TYSND1: variants seen among roughly 807,000 people sequenced by gnomAD.
TYSND1 encodes peroxisomal leader peptide-processing protease.
TYSND1 carries 30 observed loss-of-function variants against 37.2 expected under a neutral mutation model. The observed-to-expected ratio is 0.81, with a 90% CI of 0.60 to 1.09. The LOEUF (loss-of-function observed/expected upper bound fraction) is 1.09, where lower values mean the gene tolerates loss of function less well. TYSND1 is among the 50% of genes least tolerant of loss of function. The pLI is 0.00. For synonymous variants in TYSND1, 364 were observed against 383.8 expected (o/e 0.95, Z 0.60); for missense variants, 806 against 817.4 (o/e 0.99, Z 0.17).
chr10:70,142,927 C>T (rs1435182981), intron 2 of TYSND1, 74 bp from the exon 3 acceptor site: 1 of 1,516,796 alleles, frequency 6.6e-7, no homozygotes, highest in Non-Finnish European at 9.0e-7. Flanking sequence ...TAACTCCCAT[C>T]CCTACCCTCT....
rs1839236304 is a variant in TYSND1 at position 70,146,479 on chromosome 10, C to T, written c.108G>A (p.Gly36=). The part of the protein sequence containing the change: ...QPEAGPWSCS[G]VILSRSPGLV... ...GGCCCGGGCTACGGCTCAGGATTAC[C>T]CCGCTGCAGCTCCACGGGCCCGCCT... is the stretch of plus-strand genomic sequence containing the variant. Residue 36 remains glycine, a synonymous_variant, in exon 1 of 4, where the codon GGG becomes GGA. Coordinates refer to ENST00000287078, the MANE Select transcript of TYSND1 (RefSeq NM_173555.4). The T allele has an allele frequency of 6.2e-7, 1 of 1,601,032 alleles. No individual in the cohort carries two copies. The highest frequency in any genetic ancestry group is 8.5e-7 in the Non-Finnish European group (1 of 1,178,132).
chr10:70,138,908 G>A lies in TYSND1; in HGVS notation c.*1016C>T, dbSNP rs141808556. 8.3e-4 allele frequency: 126 copies of A among 152,342 alleles called. 2 individuals are homozygous for A. The East Asian group carries it at 0.022, about 26-fold the overall frequency. 9.4% of individuals were successfully genotyped at this position (152,342 alleles called of 1,614,324 possible). A position where few individuals can be genotyped will look rare whatever the true frequency, so the allele number is the denominator to read the frequency against. On this transcript the variant is annotated 3_prime_UTR_variant, in exon 4 of 4. Coordinates refer to ENST00000287078, the MANE Select transcript of TYSND1 (RefSeq NM_173555.4). Reference sequence around the variant, plus strand: ...GAAACCAGAAGGCTGAAGCCAGCACGGGCAACAAAGCAATACCCCATTTCT... The same window carrying A: ...GAAACCAGAAGGCTGAAGCCAGCACAGGCAACAAAGCAATACCCCATTTCT...
In TYSND1 at chr10:70,146,562, T is replaced by C; in HGVS notation, c.25A>G (p.Met9Val). 1 of 1,573,690 alleles carries C rather than the reference T, an allele frequency of 6.4e-7. No individual in the cohort carries two copies. Reference sequence around the variant, plus strand: ...CAGCCCGCCTGCTCGGCCGCCCTCATGGCAGACCCCCACTGCCTTCTCATG... The same window carrying C: ...CAGCCCGCCTGCTCGGCCGCCCTCACGGCAGACCCCCACTGCCTTCTCATG... MRRQWGSAMRAAEQAGCMV... is the reference protein window; with the variant it reads MRRQWGSAVRAAEQAGCMV... Residue 9 changes from methionine to valine, a missense_variant, in exon 1 of 4, where the codon ATG (methionine) becomes GTG (valine). Coordinates refer to ENST00000287078, the MANE Select transcript of TYSND1 (RefSeq NM_173555.4).
Position 70,143,827 on chromosome 10 carries a change from C to T in TYSND1, c.1297+15G>A, listed in dbSNP as rs76946215. 0.043 allele frequency: 68,905 copies of T among 1,613,684 alleles called. 1,626 individuals are homozygous for T. Among genetic ancestry groups the T allele is most frequent in the East Asian group, 0.06 (2,691 of 44,862 alleles). On this transcript the variant is annotated intron_variant, in intron 2 of 3. Transcript: ENST00000287078. ...CAGAGGGGCCCTCCTTCAGGCTGCGCCCTTCGTCCTTTACCTTCATGGAAG... is the reference window on the plus strand; with the variant it reads ...CAGAGGGGCCCTCCTTCAGGCTGCGTCCTTCGTCCTTTACCTTCATGGAAG...
rs767846561 is a variant in TYSND1 at position 70,140,080 on chromosome 10, G to C, written c.1545C>G (p.Phe515Leu). Residue 515 changes from phenylalanine to leucine, a missense_variant, in exon 4 of 4, where the codon TTC (phenylalanine) becomes TTG (leucine). Phe to Leu is a conservative substitution (Grantham distance 22, BLOSUM62 0). Coordinates refer to ENST00000287078, the MANE Select transcript of TYSND1 (RefSeq NM_173555.4). ...GCTGGAGCACCGTGATGGGAATGCT[G>C]AAGTTCAGGTGGGGGTAGGTGGCCC... ...NTGATYPHLN[F>L]SIPITVLQPA... 6.2e-7 allele frequency: 1 copy of C among 1,614,142 alleles called. No individual in the cohort carries two copies. Among genetic ancestry groups the C allele is most frequent in the Admixed American group, 1.7e-5 (1 of 60,024 alleles).
At chr10:70,145,389 G>A (rs1839165590) in intron 1 of TYSND1, 32 bp downstream of exon 1, 15 of 1,380,398 alleles carry the variant, frequency 1.1e-5, no homozygotes, top group Admixed American at 3.6e-5. Context: ...GACCTGGAAA[G>A]GGATGAAGTG....
At position 70,146,362 on chromosome 10, in the gene TYSND1, G is replaced by A; in HGVS notation, c.225C>T (p.Asp75=). ...GCAGGCGCAGGTCGTCCCTGCAACT[G>A]TCGCCAGGCAGGAAGACGGCGCCGG... The part of the protein sequence containing the change: ...TAAGAVFLPG[D]SCRDDLRLHV... Residue 75 remains aspartate (D), a synonymous_variant, in exon 1 of 4, where the codon GAC becomes GAT. Coordinates refer to ENST00000287078, the MANE Select transcript of TYSND1 (RefSeq NM_173555.4). 18 of 1,555,274 alleles carry A rather than the reference G, an allele frequency of 1.2e-5. No individual in the cohort carries two copies. Among genetic ancestry groups the A allele is most frequent in the Non-Finnish European group, 1.6e-5 (18 of 1,156,830 alleles).
Position 70,144,205 on chromosome 10 carries a change from TAGTG to T in TYSND1, c.1167-237_1167-234del, listed in dbSNP as rs371280292. The T allele has an allele frequency of 2.4e-3, 1,328 of 543,008 alleles. 8 individuals carry two copies. The highest frequency in any genetic ancestry group is 0.017 in the African/African-American group (893 of 52,230). 33.6% of individuals were successfully genotyped at this position (543,008 alleles called of 1,614,324 possible). A position where few individuals can be genotyped will look rare whatever the true frequency, so the allele number is the denominator to read the frequency against. On this transcript the variant is annotated intron_variant, in intron 1 of 3. Coordinates refer to ENST00000287078, the MANE Select transcript of TYSND1 (RefSeq NM_173555.4). ...GTACCTGAATAATCAACCTGACACT[TAGTG>T]AGCACTGTGGGCCAGGTTTGGTGTT... is the stretch of plus-strand genomic sequence containing the variant.
intron 3 of TYSND1, among the ~76,000 whole-genome samples, chr10:70,141,681 C>T (rs2136686658): frequency 6.6e-6 from 1 of 152,118 alleles, no homozygotes; most frequent in African/African-American, 2.4e-5. Context: ...GAGGTGGTAT[C>T]TGCCAGGCCT....
At position 70,142,839 on chromosome 10, in the gene TYSND1, C is replaced by T; in HGVS notation, c.1312G>A (p.Val438Met). ...TGGCCAAAGACGCCAAAGCCCACCA[C>T]ACTCACAGCCTCGCCTGCCAGGGAA... ...EHFHEGEAVS[V>M]VGFGVFGQSC... Residue 438 changes from valine to methionine, a missense_variant, in exon 3 of 4, where the codon GTG (valine) becomes ATG (methionine). Around this residue, in one of 3 missense-constraint regions of TYSND1, gnomAD observed 708 missense variants for 705.4 expected, o/e 1.00. Transcript: ENST00000287078. 6.2e-7 allele frequency: 1 copy of T among 1,613,612 alleles called. No homozygotes were observed. The highest frequency in any genetic ancestry group is 1.1e-5 in the South Asian group (1 of 91,076).
At position 70,145,816 on chromosome 10, in the gene TYSND1, G is replaced by A; in HGVS notation, c.771C>T (p.Cys257=). 4 of 1,526,682 alleles carry A rather than the reference G, an allele frequency of 2.6e-6. No homozygotes were observed. The highest frequency in any genetic ancestry group is 3.5e-6 in the Non-Finnish European group (4 of 1,138,186). 94.6% of individuals were successfully genotyped at this position (1,526,682 alleles called of 1,614,324 possible). Residue 257 remains cysteine (C), a synonymous_variant, in exon 1 of 4, where the codon TGC becomes TGT. Coordinates refer to ENST00000287078, the MANE Select transcript of TYSND1 (RefSeq NM_173555.4). ...CGCCGCCGCCCTCGGTGCCGGGCAG[G>A]CAGCGTGCGTCGGTAAGCAGCAGTG... is the stretch of plus-strand genomic sequence containing the variant. ...AGPLLLTDAR[C]LPGTEGGGVF...
chr10:70,145,426 G>A lies in TYSND1; in HGVS notation c.1161C>T (p.Thr387=), dbSNP rs899077659. ...EAARVLVRST[T]PKSVAIWGRV... is the part of the protein sequence containing the mutation. Reference sequence around the variant, plus strand: ...CGTCAGCCCTGCGGGCTTACTTGGGGGTGGTGGAGCGCACCAGGACCCTGG... The same window carrying A: ...CGTCAGCCCTGCGGGCTTACTTGGGAGTGGTGGAGCGCACCAGGACCCTGG... Residue 387 remains threonine, a synonymous_variant, in exon 1 of 4, where the codon ACC becomes ACT. Coordinates refer to ENST00000287078, the MANE Select transcript of TYSND1 (RefSeq NM_173555.4). 11 of 1,432,684 alleles carry A rather than the reference G, an allele frequency of 7.7e-6. No homozygotes were observed. Among genetic ancestry groups the A allele is most frequent in the African/African-American group, 3.0e-5 (2 of 67,232 alleles). The allele number at this position is 1,432,684 out of a possible 1,614,324, so 88.7% of individuals were successfully genotyped here. A position where few individuals can be genotyped will look rare whatever the true frequency, so the allele number is the denominator to read the frequency against.
chr10:70,144,089 G>C (rs1248762823), intron 1 of TYSND1, 117 bp from the exon 2 acceptor site: 1 of 1,343,256 alleles, frequency 7.4e-7, no homozygotes, highest in Non-Finnish European at 1.0e-6. Context: ...GCCCTGAATC[G>C]ACCAGCAGGC....
chr10:70,144,244 T>C (rs999665726), intron 1 of TYSND1: 4 of 421,678 alleles, frequency 9.5e-6, no homozygotes, highest in African/African-American at 8.1e-5. Context: ...TAGTGTTTTG[T>C]GGACATCACT....
In TYSND1 at chr10:70,145,694, G is replaced by C. The variant is rs529700720; in HGVS notation, c.893C>G (p.Ala298Gly). Reference sequence around the variant, plus strand: ...GGCGGCGCGGAAAAGGGGGGCGGCGGCGCAGAGCAGCGTGAAGCCCACCCA... The same window carrying C: ...GGCGGCGCGGAAAAGGGGGGCGGCGCCGCAGAGCAGCGTGAAGCCCACCCA... ...GEWVGFTLLC[A>G]AAPLFRAARD... The change falls in exon 1 of 4, where the codon GCC (alanine) becomes GGC (glycine). Residue 298 changes from alanine to glycine, a missense_variant. By Grantham distance (60) the Ala-to-Gly change is moderately conservative. Transcript: ENST00000287078. 6 of 1,399,466 alleles carry C rather than the reference G, an allele frequency of 4.3e-6. No individual in the cohort carries two copies. In the South Asian group the frequency reaches 9.5e-5, roughly 22 times the overall value. 86.7% of individuals were successfully genotyped at this position (1,399,466 alleles called of 1,614,324 possible). A position where few individuals can be genotyped will look rare whatever the true frequency, so the allele number is the denominator to read the frequency against.
In TYSND1 at chr10:70,142,754, G is replaced by A. The variant is rs1343629341; in HGVS notation, c.1397C>T (p.Thr466Met). 1.2e-5 allele frequency: 20 copies of A among 1,614,080 alleles called. No individual in the cohort carries two copies. The highest frequency in any genetic ancestry group is 6.6e-5 in the South Asian group (6 of 91,070). Reference sequence around the variant, plus strand: ...ACACGTGGTCTGCAGCATTACGGGCGTGCCATTCACCTGCACCACAGCCGA... The same window carrying A: ...ACACGTGGTCTGCAGCATTACGGGCATGCCATTCACCTGCACCACAGCCGA... ...ILSAVVQVNG[T>M]PVMLQTTCAV... is the part of the protein sequence containing the mutation. Residue 466 changes from threonine to methionine, a missense_variant, in exon 3 of 4, where the codon ACG (threonine) becomes ATG (methionine). Around this residue, in one of 3 missense-constraint regions of TYSND1, gnomAD observed 708 missense variants for 705.4 expected, o/e 1.00. Transcript: ENST00000287078.
At chr10:70,144,478 T>G (rs1337109972) in intron 1 of TYSND1, 1 of 994,210 alleles carries the variant, frequency 1.0e-6, no homozygotes, top group Non-Finnish European at 1.2e-6. Context: ...GGTCCCTATT[T>G]ACGTACACGC....
At chr10:70,144,422 A>C in intron 1 of TYSND1, 1 of 980,018 alleles carries the variant, frequency 1.0e-6, no homozygotes, top group Non-Finnish European at 1.2e-6. Context: ...ACCCACAACA[A>C]TCCCGTCAGT....
rs535413826 is a variant in TYSND1, at chr10:70,140,430, T to C, written c.1484-289A>G. ...TGTCAGCTCCATAAGGGCAGGACTT[T>C]GAGGTTTTGTTCATGCAGTCTCCCC... On this transcript the variant is annotated intron_variant, in intron 3 of 3. Coordinates refer to ENST00000287078, the MANE Select transcript of TYSND1 (RefSeq NM_173555.4). Among the ~76,000 whole-genome samples the C allele has an allele frequency of 1.3e-4, 20 of 152,260 alleles. 1 individual carries two copies. The South Asian group carries it at 3.9e-3, about 30-fold the overall frequency.
Sources: gnomAD v4.1 joint callset for allele counts (sites outside exome capture counted in the v4.1 genomes callset) on GRCh38, gnomAD v4.1.1 for gene constraint, gnomAD v4.1.1 regional missense constraint, MANE v1.5 for transcripts, NCBI Gene and HGNC (gene_info 2026-07-23, HGNC 2026-07-21) for gene names.